Variants in KCNT2 observed in about 807,000 individuals in gnomAD.
KCNT2 encodes the protein potassium channel subfamily T member 2.
KCNT2 carries 67 observed loss-of-function variants against 153.8 expected under a neutral mutation model. That is an observed-to-expected ratio of 0.44 (90% CI 0.36 to 0.53). The LOEUF is 0.53. Among genes scored for constraint, KCNT2 ranks in the 20% least tolerant of loss-of-function variants. The probability of loss-of-function intolerance (pLI) is 0.00; values close to 1 mark genes in which losing one functional copy is unlikely to be tolerated. For synonymous variants in KCNT2, 500 were observed against 458.8 expected, an observed-to-expected ratio of 1.09 and a Z score of -1.15; for missense variants, 975 against 1,354.8, an observed-to-expected ratio of 0.72 and a Z score of 4.40.
intron 8 of KCNT2, among the ~76,000 whole-genome samples, chr1:196,438,245 T>C (rs1476671866): frequency 6.6e-6 from 1 of 151,804 alleles, no homozygotes; most frequent in South Asian, 2.1e-4. Context: ...CTCATAAAGC[T>C]TTTGTTTCTA....
At chr1:196,557,081 C>T (rs550783804) in intron 1 of KCNT2, among the ~76,000 whole-genome samples, 1 of 151,068 alleles carries the variant, frequency 6.6e-6, no homozygotes, top group African/African-American at 2.4e-5. Context: ...TATTTGACAG[C>T]ACAAGAGGGG....
rs146060056 is a variant in KCNT2, at chr1:196,558,564, C to T, written c.95+49651G>A. Among the ~76,000 whole-genome samples the T allele has an allele frequency of 6.6e-5, 10 of 151,316 alleles. No homozygotes were observed. In the East Asian group the frequency reaches 9.8e-4, roughly 15 times the overall value. On this transcript the variant is annotated intron_variant, in intron 1 of 27. Coordinates refer to ENST00000294725, the MANE Select transcript of KCNT2 (RefSeq NM_198503.5). Reference sequence around the variant, plus strand: ...ATTTACAAGAATGTCTAGTGTCTTCCGAAACCTGGCCAGTAATTTGCCAGG... The same window carrying T: ...ATTTACAAGAATGTCTAGTGTCTTCTGAAACCTGGCCAGTAATTTGCCAGG...
chr1:196,590,465 G>A (rs561425401), intron 1 of KCNT2, among the ~76,000 whole-genome samples: 3 of 152,242 alleles, frequency 2.0e-5, no homozygotes, highest in South Asian at 2.1e-4. Flanking sequence ...AATGGAGGAC[G>A]GGTTTCAGGT....
At chr1:196,426,347 C>T (rs949715917) in intron 10 of KCNT2, among the ~76,000 whole-genome samples, 9 of 151,884 alleles carry the variant, frequency 5.9e-5, no homozygotes, top group Admixed American at 2.6e-4. Context: ...CAGGCAGAAG[C>T]ATTTAAGTAT....
intron 8 of KCNT2, among the ~76,000 whole-genome samples, chr1:196,431,497 G>T (rs1324537160): frequency 2.6e-5 from 4 of 152,030 alleles, no homozygotes; most frequent in Admixed American, 1.3e-4. Flanking sequence ...AATACCGACG[G>T]TAACGGCCTT....
intron 26 of KCNT2, among the ~76,000 whole-genome samples, chr1:196,246,142 G>A (rs1216682308): frequency 6.6e-6 from 1 of 152,120 alleles, no homozygotes; most frequent in Admixed American, 6.5e-5. Flanking sequence ...ATATCTGGGA[G>A]CAGACTTCTC....
At position 196,320,380 on chromosome 1, in the gene KCNT2, G is replaced by A. The variant is rs1205872704; in HGVS notation, c.2277-825C>T. Reference sequence around the variant, plus strand: ...AAAAGAATATCCTGTTAACTTGTAAGAAATAAAGAGTTTTAAAAATTATGT... The same window carrying A: ...AAAAGAATATCCTGTTAACTTGTAAAAAATAAAGAGTTTTAAAAATTATGT... On this transcript the variant is annotated intron_variant, in intron 19 of 27. Transcript: ENST00000294725. Among the ~76,000 whole-genome samples the A allele has an allele frequency of 2.6e-5, 4 of 151,690 alleles. No homozygotes were observed. The East Asian group carries it at 5.8e-4, about 22-fold the overall frequency.
intron 27 of KCNT2, among the ~76,000 whole-genome samples, chr1:196,231,920 G>T (rs2102219990): frequency 6.6e-6 from 1 of 151,752 alleles, no homozygotes; most frequent in East Asian, 1.9e-4. Context: ...CCAAATGAAA[G>T]AAGTATTTAA....
At chr1:196,287,626 G>A (rs1260463173) in intron 22 of KCNT2, among the ~76,000 whole-genome samples, 2 of 151,924 alleles carry the variant, frequency 1.3e-5, no homozygotes, top group Non-Finnish European at 2.9e-5. Context: ...AAACAGCAAC[G>A]CTAATTAAAA....
intron 8 of KCNT2, among the ~76,000 whole-genome samples, chr1:196,460,975 G>C (rs903286471): frequency 1.3e-5 from 2 of 151,488 alleles, no homozygotes; most frequent in Non-Finnish European, 3.0e-5. Context: ...TCAATTGCCA[G>C]ATCTTCAGAC....
intron 1 of KCNT2, among the ~76,000 whole-genome samples, chr1:196,575,093 C>T (rs1661202343): frequency 6.6e-6 from 1 of 151,906 alleles, no homozygotes. Context: ...TGAAAGTTTG[C>T]CATTTTCCCA....
intron 26 of KCNT2, among the ~76,000 whole-genome samples, chr1:196,240,285 A>G (rs1654831415): frequency 6.6e-6 from 1 of 151,978 alleles, no homozygotes; most frequent in African/African-American, 2.4e-5. Context: ...ATTTCTCTTA[A>G]TCTCTCTGCG....
At chr1:196,585,694 C>A (rs1212602742) in intron 1 of KCNT2, among the ~76,000 whole-genome samples, 1 of 151,920 alleles carries the variant, frequency 6.6e-6, no homozygotes, top group East Asian at 1.9e-4. Context: ...GTATTTTTTT[C>A]TTGTAATCAA....
chr1:196,479,746 G>T (rs112467541), intron 4 of KCNT2, among the ~76,000 whole-genome samples: 2 of 152,072 alleles, frequency 1.3e-5, no homozygotes, highest in African/African-American at 4.8e-5. Flanking sequence ...AATCACATGT[G>T]ACTGTCCACC....
chr1:196,258,708 T>C (rs965308323), intron 25 of KCNT2: 14 of 604,506 alleles, frequency 2.3e-5, no homozygotes, highest in Non-Finnish European at 4.1e-5. Flanking sequence ...GCAAAATAAA[T>C]ACCTGTATCC....
At chr1:196,500,352 T>C (rs1255737712) in intron 1 of KCNT2, among the ~76,000 whole-genome samples, 1 of 151,702 alleles carries the variant, frequency 6.6e-6, no homozygotes, top group Non-Finnish European at 1.5e-5. Context: ...TTCATTCAAA[T>C]AATTTTAGTG....
At position 196,333,860 on chromosome 1, in the gene KCNT2, A is replaced by G. The variant is rs192902436; in HGVS notation, c.1984T>C (p.Ser662Pro). 9 of 1,605,070 alleles carry G rather than the reference A, an allele frequency of 5.6e-6. No individual in the cohort carries two copies. Among genetic ancestry groups the G allele is most frequent in the Admixed American group, 3.3e-5 (2 of 59,874 alleles). Reference protein sequence around the residue: ...EDETTPDEEMSSNLEYAKGYP... With the variant: ...EDETTPDEEMPSNLEYAKGYP... ...ATCTGAACATACTCTAAGTTTGAAG[A>G]CATTTCTTCATCTGGTGTAGTTTCA... Residue 662 changes from serine to proline, a missense_variant, in exon 17 of 28, where the codon TCT becomes CCT. Physicochemically the swap from Ser to Pro is moderately conservative, Grantham distance 74 (BLOSUM62 -1). Around this residue, in one of 6 missense-constraint regions of KCNT2, gnomAD observed 325 missense variants for 388.1 expected, o/e 0.84. Coordinates refer to ENST00000294725, the MANE Select transcript of KCNT2 (RefSeq NM_198503.5).
At chr1:196,229,695 G>C (rs1653782827) in intron 27 of KCNT2, among the ~76,000 whole-genome samples, 1 of 152,120 alleles carries the variant, frequency 6.6e-6, no homozygotes, top group South Asian at 2.1e-4. Context: ...GAAATTAAAA[G>C]TGCTACTCCA....
intron 25 of KCNT2, among the ~76,000 whole-genome samples, chr1:196,264,718 C>T (rs1657366196): frequency 6.6e-6 from 1 of 152,102 alleles, no homozygotes; most frequent in South Asian, 2.1e-4. Flanking sequence ...CTGCAACCTC[C>T]ACCTCCCAGC....
Sources: gnomAD v4.1 joint callset for allele counts (sites outside exome capture counted in the v4.1 genomes callset) on GRCh38, gnomAD v4.1.1 for gene constraint, gnomAD v4.1.1 regional missense constraint, MANE v1.5 for transcripts, NCBI Gene and HGNC (gene_info 2026-07-23, HGNC 2026-07-21) for gene names.